Variants in SLC25A27 observed in about 807,000 individuals in gnomAD.
SLC25A27 encodes solute carrier family 25 member 27.
In SLC25A27, 35 loss-of-function variants were observed where a neutral mutation model predicts 49.1. That is an observed-to-expected ratio of 0.71 (90% CI 0.54 to 0.95). The LOEUF (loss-of-function observed/expected upper bound fraction) is 0.95, where lower values mean the gene tolerates loss of function less well. SLC25A27 is among the 40% of genes least tolerant of loss of function. The pLI is 0.00. For synonymous variants in SLC25A27, 144 were observed against 136.9 expected, an observed-to-expected ratio of 1.05 and a Z score of -0.36; for missense variants, 339 against 397.1, an observed-to-expected ratio of 0.85 and a Z score of 1.24.
intron 5 of SLC25A27, 50 bp from the exon 6 acceptor site, chr6:46,668,659 A>G (rs1175826641): frequency 1.9e-6 from 2 of 1,061,786 alleles, no homozygotes; most frequent in South Asian, 2.6e-5. Flanking sequence ...TCTTGACACA[A>G]AAGACATTCA....
chr6:46,654,141 A>C (rs1762882508), intron 1 of SLC25A27: 4 of 984,740 alleles, frequency 4.1e-6, no homozygotes, highest in African/African-American at 1.7e-5. Flanking sequence ...GGATTTTGTG[A>C]GTAGTATACT....
chr6:46,655,743 A>C, intron 1 of SLC25A27, 100 bp from the exon 2 acceptor site: 1 of 988,882 alleles, frequency 1.0e-6, no homozygotes, highest in Non-Finnish European at 1.5e-6. Context: ...CTAAAATTTG[A>C]GAACAACCAG....
At chr6:46,654,975 G>A (rs1157090966) in intron 1 of SLC25A27, among the ~76,000 whole-genome samples, 3 of 152,116 alleles carry the variant, frequency 2.0e-5, no homozygotes, top group South Asian at 2.1e-4. Context: ...TATTCAGGAC[G>A]TTTTCTGTAT....
intron 2 of SLC25A27, 97 bp from the exon 3 acceptor site, chr6:46,658,865 G>T: frequency 2.3e-6 from 2 of 876,320 alleles, no homozygotes; most frequent in South Asian, 2.7e-5. Context: ...TAGAGAGATT[G>T]ACTAGGCCAT....
intron 2 of SLC25A27, among the ~76,000 whole-genome samples, chr6:46,657,174 T>C (rs781700867): frequency 2.6e-5 from 4 of 152,054 alleles, no homozygotes; most frequent in Non-Finnish European, 4.4e-5. Context: ...TCTAAAAATA[T>C]TAAATTGGGC....
rs376017352 is a variant in SLC25A27, at chr6:46,662,490, A to G, written c.498A>G (p.Lys166=). The G allele has an allele frequency of 2.1e-5, 34 of 1,613,622 alleles. No homozygotes were observed. Among genetic ancestry groups the G allele is most frequent in the Non-Finnish European group, 2.8e-5 (33 of 1,179,872 alleles). ...AAGGAAAAAGGAAACTGGAAGGAAAACCATTGCGGTAAGTTCTCCAATTAA... is the reference window on the plus strand; with the variant it reads ...AAGGAAAAAGGAAACTGGAAGGAAAGCCATTGCGGTAAGTTCTCCAATTAA... ...QMEGKRKLEG[K]PLRFRGVHHA... The change falls in exon 4 of 9, where the codon AAA becomes AAG. Residue 166 remains lysine (K), a synonymous_variant. Transcript: ENST00000371347.
Position 46,653,153 on chromosome 6 carries a change from C to T in SLC25A27, c.-40C>T, listed in dbSNP as rs1205039999. The T allele has an allele frequency of 1.3e-6, 2 of 1,571,542 alleles. No individual in the cohort carries two copies. The highest frequency in any genetic ancestry group is 1.7e-6 in the Non-Finnish European group (2 of 1,146,514). On this transcript the variant is annotated 5_prime_UTR_variant, in exon 1 of 9. Coordinates refer to ENST00000371347, the MANE Select transcript of SLC25A27 (RefSeq NM_004277.5). ...GCCGCCGCGGCGCGGTGCAGCGCAGCGGCGAGAAGGAGTGCGTTATCGTCT... is the reference window on the plus strand; with the variant it reads ...GCCGCCGCGGCGCGGTGCAGCGCAGTGGCGAGAAGGAGTGCGTTATCGTCT...
intron 5 of SLC25A27, among the ~76,000 whole-genome samples, chr6:46,668,053 T>A (rs567783220): frequency 6.6e-6 from 1 of 152,242 alleles, no homozygotes; most frequent in South Asian, 2.1e-4. Context: ...ATTAGAAAAA[T>A]GTATAAAAGG....
At chr6:46,674,908 T>C (rs1007890850) in intron 8 of SLC25A27, among the ~76,000 whole-genome samples, 7 of 152,210 alleles carry the variant, frequency 4.6e-5, no homozygotes, top group Non-Finnish European at 1.0e-4. Flanking sequence ...GGGACCCTGC[T>C]TCTGGTTTTT....
chr6:46,655,253 A>T (rs1023653689), intron 1 of SLC25A27, among the ~76,000 whole-genome samples: 1 of 152,226 alleles, frequency 6.6e-6, no homozygotes, highest in Non-Finnish European at 1.5e-5. Flanking sequence ...TATCTCAAAC[A>T]TTATGTCAGT....
chr6:46,658,158 A>G (rs986707331), intron 2 of SLC25A27, among the ~76,000 whole-genome samples: 2 of 152,202 alleles, frequency 1.3e-5, no homozygotes, highest in African/African-American at 4.8e-5. Flanking sequence ...TCAATTCTCC[A>G]TATGAGTAAG....
intron 4 of SLC25A27, 40 bp downstream of exon 4, chr6:46,662,538 G>A (rs754791741): frequency 1.9e-6 from 3 of 1,603,332 alleles, no homozygotes; most frequent in East Asian, 2.2e-5. Flanking sequence ...TTTTTCCCTT[G>A]GCCACCGTCA....
At chr6:46,675,916 C>G (rs10498770) in intron 8 of SLC25A27, among the ~76,000 whole-genome samples, 8,061 of 152,202 alleles carry the variant, frequency 0.053, 329 homozygotes, top group Non-Finnish European at 0.079. Flanking sequence ...GATAATCTTT[C>G]ACCTTCCTCA....
At chr6:46,662,599 A>G in intron 4 of SLC25A27, 101 bp downstream of exon 4, 1 of 1,264,502 alleles carries the variant, frequency 7.9e-7, no homozygotes, top group Non-Finnish European at 1.1e-6. Flanking sequence ...CAGTAAAGAT[A>G]TTACTTCTGA....
intron 3 of SLC25A27, among the ~76,000 whole-genome samples, chr6:46,660,555 G>T (rs1261748352): frequency 6.6e-6 from 1 of 152,122 alleles, no homozygotes; most frequent in African/African-American, 2.4e-5. Context: ...CAGTGTTGAT[G>T]ATAGAAAATT....
intron 5 of SLC25A27, among the ~76,000 whole-genome samples, chr6:46,668,384 A>G (rs1001662524): frequency 1.2e-4 from 19 of 152,228 alleles, no homozygotes; most frequent in Admixed American, 1.2e-3. Context: ...CCTTTTATTT[A>G]TAAGTGACAG....
intron 2 of SLC25A27, 131 bp downstream of exon 2, chr6:46,656,165 A>G (rs1762970868): frequency 4.7e-6 from 3 of 638,204 alleles, no homozygotes; most frequent in South Asian, 3.0e-5. Context: ...TACAGCACAT[A>G]GTCTTTTTTT....
At chr6:46,654,330 T>C (rs1220804522) in intron 1 of SLC25A27, among the ~76,000 whole-genome samples, 1 of 152,268 alleles carries the variant, frequency 6.6e-6, no homozygotes, top group African/African-American at 2.4e-5. Flanking sequence ...AGTTGTTTCG[T>C]GCTCTTCCAT....
chr6:46,659,128 A>C, intron 3 of SLC25A27, 82 bp downstream of exon 3: 1 of 897,838 alleles, frequency 1.1e-6, no homozygotes, highest in Non-Finnish European at 1.8e-6. Flanking sequence ...GTACATTTGT[A>C]CCCAAATTGC....
Sources: allele counts gnomAD v4.1 joint callset (sites outside exome capture counted in the v4.1 genomes callset), GRCh38; gene constraint gnomAD v4.1.1; transcripts MANE v1.5; gene names NCBI Gene and HGNC (gene_info 2026-07-23, HGNC 2026-07-21).